MKNK1: variants seen among roughly 807,000 people sequenced by gnomAD.
MKNK1 encodes MAPK interacting serine/threonine kinase 1, also known as MAP kinase-interacting serine/threonine-protein kinase 1.
In MKNK1, 30 loss-of-function variants were observed where a neutral mutation model predicts 49.3. That is an observed-to-expected ratio of 0.61 (90% CI 0.46 to 0.83). The LOEUF is 0.83. MKNK1 is among the 40% of genes least tolerant of loss of function. The pLI is 0.00. For missense variants in MKNK1, 423 were observed against 524.7 expected, an observed-to-expected ratio of 0.81 and a Z score of 1.89; for synonymous variants, 176 against 201.7, an observed-to-expected ratio of 0.87 and a Z score of 1.08.
At chr1:46,562,395 CAAAAAAAA>C (rs66491559) in intron 10 of MKNK1, among the ~76,000 whole-genome samples, 4 of 34,352 alleles carry the variant, frequency 1.2e-4, no homozygotes, top group African/African-American at 1.3e-4. Context: ...GACTCCATCT[CAAAAAAAA>C]AAAAAAAAAA....
intron 1 of MKNK1, among the ~76,000 whole-genome samples, chr1:46,594,594 T>C (rs1419727748): frequency 6.6e-6 from 1 of 152,170 alleles, no homozygotes; most frequent in Non-Finnish European, 1.5e-5. Flanking sequence ...CTGAGTGAAA[T>C]TTTTCAGATT....
intron 11 of MKNK1, 138 bp from the exon 12 acceptor site, chr1:46,560,415 C>T: frequency 2.3e-6 from 2 of 887,246 alleles, no homozygotes; most frequent in East Asian, 2.5e-5. Flanking sequence ...CTTGCAGGGT[C>T]AGGCCTTCCA....
chr1:46,597,300 CA>C (rs11312871), intron 1 of MKNK1, among the ~76,000 whole-genome samples: 49,009 of 130,468 alleles, frequency 0.38, 8,515 homozygotes, highest in African/African-American at 0.51. Context: ...CGTTTTAGAG[CA>C]AAAAAAAAAA....
chr1:46,560,146 G>T (rs1667677982), intron 12 of MKNK1, 88 bp downstream of exon 12: 2 of 1,467,034 alleles, frequency 1.4e-6, no homozygotes, highest in African/African-American at 1.4e-5. Flanking sequence ...AGCTACCTGA[G>T]CCTAGAGATG....
chr1:46,577,059 T>C (rs1358481925), intron 4 of MKNK1, among the ~76,000 whole-genome samples: 1 of 152,236 alleles, frequency 6.6e-6, no homozygotes, highest in Non-Finnish European at 1.5e-5. Flanking sequence ...GAGAGGCTGA[T>C]GCAGGACACC....
chr1:46,586,994 G>C (rs1672669988), intron 2 of MKNK1, among the ~76,000 whole-genome samples: 1 of 152,190 alleles, frequency 6.6e-6, no homozygotes, highest in Non-Finnish European at 1.5e-5. Context: ...CTTTTTAGTA[G>C]AGACGGGGTT....
At chr1:46,561,398 A>G in intron 11 of MKNK1, 80 bp downstream of exon 11, 8 of 1,476,540 alleles carry the variant, frequency 5.4e-6, no homozygotes, top group Non-Finnish European at 6.4e-6. Flanking sequence ...GGTGCTCAGC[A>G]CTTGCTGGCA....
intron 2 of MKNK1, among the ~76,000 whole-genome samples, chr1:46,583,790 A>G (rs1342114051): frequency 6.6e-6 from 1 of 152,144 alleles, no homozygotes; most frequent in Admixed American, 6.5e-5. Flanking sequence ...CAACATCGCT[A>G]TGGATGCACA....
chr1:46,564,402 C>G (rs1668632242), intron 9 of MKNK1, among the ~76,000 whole-genome samples: 2 of 149,984 alleles, frequency 1.3e-5, no homozygotes, highest in African/African-American at 4.9e-5. Context: ...AAAGGGCTGG[C>G]CTGGGAGTAG....
intron 5 of MKNK1, 102 bp downstream of exon 5, chr1:46,576,473 A>C: frequency 2.1e-6 from 2 of 937,756 alleles, no homozygotes; most frequent in Non-Finnish European, 3.5e-6. Flanking sequence ...TGGGGACAGG[A>C]GTGAGAGCTA....
At chr1:46,586,484 T>C (rs779263966) in intron 2 of MKNK1, among the ~76,000 whole-genome samples, 44 of 152,172 alleles carry the variant, frequency 2.9e-4, no homozygotes, top group Non-Finnish European at 3.1e-4. Flanking sequence ...AGTGCTCCCC[T>C]GTGTTCCTAA....
At chr1:46,561,719 G>A (rs1224615384) in intron 10 of MKNK1, 77 bp from the exon 11 acceptor site, 22 of 1,511,246 alleles carry the variant, frequency 1.5e-5, no homozygotes, top group East Asian at 2.3e-5. Flanking sequence ...TTGATCAACC[G>A]GCTTCAATTG....
Position 46,558,769 on chromosome 1 carries a change from C to G in MKNK1, c.1045G>C (p.Ala349Pro). ...CGGTTAAGGGCGATGGCCTCAGCTG[C>G]GAAGAGCGTCAGGTCCATTGTGCTG... Reference protein sequence around the residue: ...NSSTMDLTLFAAEAIALNRQL... With the variant: ...NSSTMDLTLFPAEAIALNRQL... Residue 349 changes from alanine (A) to proline (P), a missense_variant, in exon 13 of 13, where the codon GCA becomes CCA. Coordinates refer to ENST00000371945, the MANE Select transcript of MKNK1 (RefSeq NM_001135553.4). The G allele has an allele frequency of 6.2e-7, 1 of 1,614,074 alleles. No individual in the cohort carries two copies. The highest frequency in any genetic ancestry group is 8.5e-7 in the Non-Finnish European group (1 of 1,180,002).
intron 3 of MKNK1, among the ~76,000 whole-genome samples, chr1:46,581,673 C>T (rs1280854256): frequency 6.6e-6 from 1 of 152,104 alleles, no homozygotes; most frequent in East Asian, 1.9e-4. Flanking sequence ...GAATAAAACA[C>T]TGTTCTATTT....
At position 46,565,036 on chromosome 1, in the gene MKNK1, C is replaced by T. The variant is rs749302738; in HGVS notation, c.609+5G>A. 8.1e-6 allele frequency: 13 copies of T among 1,612,278 alleles called. No homozygotes were observed. Among genetic ancestry groups the T allele is most frequent in the African/African-American group, 2.7e-5 (2 of 74,896 alleles). The stretch of plus-strand genomic sequence containing the variant: ...TACTTAGGAGCCCAGAGGAAGCATA[C>T]GTACTGGGGTGGTCAGCTCTGGTGT... On this transcript the variant is annotated splice_donor_5th_base_variant and intron_variant, in intron 9 of 12. Transcript: ENST00000371945.
At chr1:46,561,006 A>G (rs1247023172) in intron 11 of MKNK1, among the ~76,000 whole-genome samples, 2 of 152,198 alleles carry the variant, frequency 1.3e-5, no homozygotes, top group Non-Finnish European at 2.9e-5. Context: ...CATGAATTCT[A>G]AGCTTAGGGA....
chr1:46,573,023 G>A (rs997928751), intron 6 of MKNK1, among the ~76,000 whole-genome samples: 1 of 152,210 alleles, frequency 6.6e-6, no homozygotes, highest in Admixed American at 6.5e-5. Context: ...CTAGTGCCAT[G>A]TGCTATGGAA....
chr1:46,580,356 G>A (rs894422259), intron 4 of MKNK1, 174 bp downstream of exon 4: 5 of 598,366 alleles, frequency 8.4e-6, no homozygotes, highest in Non-Finnish European at 1.5e-5. Context: ...CTGAAGGACA[G>A]AGAAGTTAAG....
rs1278782613 is a variant in MKNK1 at position 46,571,541 on chromosome 1, TAAA to T, written c.457+519_457+521del. The T allele has an allele frequency of 1.4e-5, 6 of 441,394 alleles. No individual in the cohort carries two copies. The East Asian group carries it at 4.4e-4, about 33-fold the overall frequency. The allele number at this position is 441,394 out of a possible 1,614,324, so 27.3% of individuals were successfully genotyped here. On this transcript the variant is annotated intron_variant, in intron 7 of 12. Transcript: ENST00000371945. ...CTAGGTGACAGAGAGAGACTTTGTC[TAAA>T]AAGGAAAAAAAAGGAAAAAGAAAAA...
Sources: gnomAD v4.1 joint callset for allele counts (sites outside exome capture counted in the v4.1 genomes callset) on GRCh38, gnomAD v4.1.1 for gene constraint, MANE v1.5 for transcripts, NCBI Gene and HGNC (gene_info 2026-07-23, HGNC 2026-07-21) for gene names.